The following CRACD variants were observed in gnomAD, a reference collection of about 807,000 sequenced individuals.
CRACD encodes the protein capping protein inhibiting regulator of actin dynamics, also known as capping protein-inhibiting regulator of actin dynamics.
In CRACD, 56 loss-of-function variants were observed where a neutral mutation model predicts 106.8. The observed-to-expected ratio is 0.52, with a 90% confidence interval of 0.42 to 0.66. The LOEUF (loss-of-function observed/expected upper bound fraction) is 0.66, where lower values mean the gene tolerates loss of function less well. Among genes scored for constraint, CRACD ranks in the 30% least tolerant of loss-of-function variants. The probability of loss-of-function intolerance (pLI) is 0.00; values close to 1 mark genes in which losing one functional copy is unlikely to be tolerated. For synonymous variants in CRACD, 754 were observed against 670.8 expected (o/e 1.12, Z -1.92); for missense variants, 1,730 against 1,623.2 (o/e 1.07, Z -1.13).
At position 56,328,147 on chromosome 4, in the gene CRACD, A is replaced by G; in HGVS notation, c.*343A>G. On this transcript the variant is annotated 3_prime_UTR_variant, in exon 11 of 11. Coordinates refer to ENST00000682029, the MANE Select transcript of CRACD (RefSeq NM_001393381.1). ...CACCCACACACCATTCAGAACATGTACTTTTGCCAACCTTTGGTAATGGTT... is the reference window on the plus strand; with the variant it reads ...CACCCACACACCATTCAGAACATGTGCTTTTGCCAACCTTTGGTAATGGTT... 2.6e-6 allele frequency: 1 copy of G among 378,736 alleles called. No individual in the cohort carries two copies. Among genetic ancestry groups the G allele is most frequent in the Non-Finnish European group, 5.1e-6 (1 of 195,358 alleles). 23.5% of individuals were successfully genotyped at this position (378,736 alleles called of 1,614,324 possible).
chr4:56,085,790 A>T (rs1230029719), intron 1 of CRACD, among the ~76,000 whole-genome samples: 2 of 152,186 alleles, frequency 1.3e-5, no homozygotes, highest in Non-Finnish European at 2.9e-5. Flanking sequence ...AAGGAGCTTG[A>T]ACTGACAATT....
chr4:56,313,949 T>C (rs1240848123), intron 7 of CRACD, 91 bp from the exon 8 acceptor site: 1 of 1,497,754 alleles, frequency 6.7e-7, no homozygotes, highest in African/African-American at 1.4e-5. Context: ...TCTTGAGAAA[T>C]TAAGAGGGTC....
chr4:56,103,306 T>C (rs995466638), intron 1 of CRACD, among the ~76,000 whole-genome samples: 5 of 151,666 alleles, frequency 3.3e-5, no homozygotes, highest in Non-Finnish European at 5.9e-5. Flanking sequence ...AGGAGAGGAG[T>C]GAATAAAAAA....
rs773571891 is a variant in CRACD, at chr4:56,314,922, G to A, written c.1420G>A (p.Ala474Thr). The stretch of plus-strand genomic sequence containing the variant: ...GGGAAGGAGCGGGGATTTCCAGGGG[G>A]CCGATCGTCCTGGGCCCGAGGAAAA... ...QQGRSGDFQG[A>T]DRPGPEEKRE... The change falls in exon 8 of 11, where the codon GCC (alanine) becomes ACC (threonine). Residue 474 changes from alanine (A) to threonine (T), a missense_variant. Ala to Thr is a moderately conservative substitution (Grantham distance 58). This residue lies in a region of CRACD where 1,620 missense variants were observed against 1,481.6 expected (regional missense o/e 1.09). Transcript: ENST00000682029. The surrounding 1 kb of genome is among the most constrained non-coding windows in gnomAD (Gnocchi z 4.4). 3 of 1,603,454 alleles carry A rather than the reference G, an allele frequency of 1.9e-6. No individual in the cohort carries two copies. The highest frequency in any genetic ancestry group is 2.3e-5 in the South Asian group (2 of 88,884).
At position 56,316,280 on chromosome 4, in the gene CRACD, C is replaced by T; in HGVS notation, c.2778C>T (p.Ser926=). 1 of 1,613,978 alleles carries T rather than the reference C, an allele frequency of 6.2e-7. No homozygotes were observed. The highest frequency in any genetic ancestry group is 8.5e-7 in the Non-Finnish European group (1 of 1,179,858). Residue 926 remains serine, a synonymous_variant, in exon 8 of 11, where the codon AGC becomes AGT. Transcript: ENST00000682029. The part of the protein sequence containing the change: ...TRRDSAEPSS[S]RSVPVAHPGP... ...GGGACTCCGCTGAACCTTCCAGCAG[C>T]CGCTCTGTTCCTGTGGCCCACCCTG...
intron 1 of CRACD, among the ~76,000 whole-genome samples, chr4:56,052,377 T>A (rs941964738): frequency 6.6e-6 from 1 of 152,248 alleles, no homozygotes; most frequent in Non-Finnish European, 1.5e-5. Flanking sequence ...TGATTTCACA[T>A]CCCATTAATG....
chr4:56,283,319 G>A (rs1743139454), intron 3 of CRACD, among the ~76,000 whole-genome samples: 1 of 152,186 alleles, frequency 6.6e-6, no homozygotes, highest in African/African-American at 2.4e-5. Flanking sequence ...TCCAGACGCA[G>A]ACCTAGAAGC....
chr4:56,233,575 G>A (rs1454077529), intron 2 of CRACD, among the ~76,000 whole-genome samples: 1 of 152,050 alleles, frequency 6.6e-6, no homozygotes, highest in Non-Finnish European at 1.5e-5. Context: ...TTATTTTTAT[G>A]CCAATACCAC....
chr4:56,214,913 T>A (rs1577747765), intron 2 of CRACD, among the ~76,000 whole-genome samples: 1 of 150,500 alleles, frequency 6.6e-6, no homozygotes, highest in Non-Finnish European at 1.5e-5. Flanking sequence ...GGCAGGAGAA[T>A]CATGTGAACC....
intron 3 of CRACD, among the ~76,000 whole-genome samples, chr4:56,275,533 G>C (rs940758048): frequency 1.3e-5 from 2 of 152,196 alleles, no homozygotes; most frequent in African/African-American, 4.8e-5. Context: ...CAATTGCAAA[G>C]TAATTTCACC....
chr4:56,151,798 T>A (rs568056034), intron 1 of CRACD, among the ~76,000 whole-genome samples: 1 of 152,242 alleles, frequency 6.6e-6, no homozygotes, highest in African/African-American at 2.4e-5. Context: ...CTTATTTTGT[T>A]GCATATCTCT....
intron 2 of CRACD, among the ~76,000 whole-genome samples, chr4:56,232,700 C>CTTTATTTA (rs71666123): frequency 0.27 from 38,196 of 141,432 alleles, 5,845 homozygotes; most frequent in African/African-American, 0.4. Flanking sequence ...AAACATGTAT[C>CTTTATTTA]TTTATTTATT....
At chr4:56,140,271 C>A (rs903354594) in intron 1 of CRACD, among the ~76,000 whole-genome samples, 1 of 152,178 alleles carries the variant, frequency 6.6e-6, no homozygotes, top group Non-Finnish European at 1.5e-5. Context: ...CCTTCCTGTT[C>A]TCTAGTCTTT....
chr4:56,310,798 C>CTT lies in CRACD; in HGVS notation c.354+75_354+76dup, dbSNP rs370254619. 5.2e-4 allele frequency: 417 copies of CTT among 804,204 alleles called. 1 individual carries two copies. The African/African-American group carries it at 5.6e-3, about 11-fold the overall frequency. The allele number at this position is 804,204 out of a possible 1,614,324, so 49.8% of individuals were successfully genotyped here. ...TACTTAACTTTCATCTTCCCCCCCCCTTTTTTTTTTTTGCGACCTGCTGCC... is the reference window on the plus strand; with the variant it reads ...TACTTAACTTTCATCTTCCCCCCCCCTTTTTTTTTTTTTTGCGACCTGCTGCC... On this transcript the variant is annotated intron_variant, in intron 6 of 10. Coordinates refer to ENST00000682029, the MANE Select transcript of CRACD (RefSeq NM_001393381.1).
intron 1 of CRACD, among the ~76,000 whole-genome samples, chr4:56,080,868 C>A (rs1732998456): frequency 1.3e-5 from 2 of 152,200 alleles, no homozygotes; most frequent in Admixed American, 1.3e-4. Flanking sequence ...ACAAAGGCAA[C>A]TGATACATTT....
At chr4:56,088,113 C>T (rs1450287539) in intron 1 of CRACD, among the ~76,000 whole-genome samples, 1 of 151,138 alleles carries the variant, frequency 6.6e-6, no homozygotes, top group Non-Finnish European at 1.5e-5. Flanking sequence ...TCAGGCTCCT[C>T]CATCTCTCTA....
intron 1 of CRACD, among the ~76,000 whole-genome samples, chr4:56,087,247 A>G (rs1733259880): frequency 6.6e-6 from 1 of 152,140 alleles, no homozygotes; most frequent in Non-Finnish European, 1.5e-5. Flanking sequence ...TCCTGACCTC[A>G]GACGATCCGC....
intron 1 of CRACD, among the ~76,000 whole-genome samples, chr4:56,054,879 T>C (rs1731999301): frequency 6.6e-6 from 1 of 152,240 alleles, no homozygotes; most frequent in South Asian, 2.1e-4. Context: ...TTTAAAGTCT[T>C]CACCAGGTCT....
At chr4:56,178,927 G>A (rs140408697) in intron 1 of CRACD, among the ~76,000 whole-genome samples, 80 of 152,264 alleles carry the variant, frequency 5.3e-4, no homozygotes, top group African/African-American at 1.7e-3. Flanking sequence ...CTGCCTTCAC[G>A]TCTGCTAAAT....
Sources: allele counts gnomAD v4.1 joint callset (sites outside exome capture counted in the v4.1 genomes callset), GRCh38; gene constraint gnomAD v4.1.1; regional missense constraint gnomAD v4.1.1; non-coding constraint Gnocchi (gnomAD v3.1); transcripts MANE v1.5; gene names NCBI Gene and HGNC (gene_info 2026-07-23, HGNC 2026-07-21).